RBMS3: variants seen among roughly 807,000 people sequenced by gnomAD.
RBMS3 encodes the protein RNA-binding motif, single-stranded-interacting protein 3.
RBMS3 carries 27 observed loss-of-function variants against 66.8 expected under a neutral mutation model. The observed-to-expected ratio is 0.40, with a 90% CI of 0.30 to 0.56. The LOEUF (loss-of-function observed/expected upper bound fraction) is 0.56, where lower values mean the gene tolerates loss of function less well. Among genes scored for constraint, RBMS3 ranks in the 20% least tolerant of loss-of-function variants. RBMS3 has a pLI of 0.40. For missense variants in RBMS3, 513 were observed against 549.5 expected, an observed-to-expected ratio of 0.93 and a Z score of 0.66; for synonymous variants, 188 against 183.0, an observed-to-expected ratio of 1.03 and a Z score of -0.22.
chr3:29,556,137 G>A (rs1001293144), intron 3 of RBMS3, among the ~76,000 whole-genome samples: 5 of 147,160 alleles, frequency 3.4e-5, no homozygotes, highest in African/African-American at 1.3e-4. Context: ...TAAAAAAAAA[G>A]CTTATATCCA....
At position 29,576,853 on chromosome 3, in the gene RBMS3, A is replaced by T. The variant is rs1283769630; in HGVS notation, c.308-10261A>T. Among the ~76,000 whole-genome samples, 7 of 152,306 alleles carry T rather than the reference A, an allele frequency of 4.6e-5. No individual in the cohort carries two copies. In the South Asian group the frequency reaches 8.3e-4, roughly 18 times the overall value. Reference sequence around the variant, plus strand: ...AGTCAGCTTGTGGTAAATGCTGCCAAGCCTGAGACTCACCCTTCTGAGAAA... The same window carrying T: ...AGTCAGCTTGTGGTAAATGCTGCCATGCCTGAGACTCACCCTTCTGAGAAA... On this transcript the variant is annotated intron_variant, in intron 3 of 14. Transcript: ENST00000383767.
At chr3:29,367,188 T>C (rs2037957479) in intron 1 of RBMS3, among the ~76,000 whole-genome samples, 1 of 152,096 alleles carries the variant, frequency 6.6e-6, no homozygotes, top group African/African-American at 2.4e-5. Flanking sequence ...GAAATGTGAA[T>C]TAAAGAAAAA....
At chr3:29,704,475 G>A (rs533373792) in intron 4 of RBMS3, among the ~76,000 whole-genome samples, 6 of 152,232 alleles carry the variant, frequency 3.9e-5, no homozygotes, top group South Asian at 2.1e-4. Context: ...CAACCTTCCA[G>A]GAGCAAGAGA....
At chr3:29,310,100 G>A (rs757379719) in intron 1 of RBMS3, among the ~76,000 whole-genome samples, 7 of 151,576 alleles carry the variant, frequency 4.6e-5, no homozygotes, top group Non-Finnish European at 1.0e-4. Context: ...TGGGTCGAGG[G>A]GGCAGATATT....
At chr3:29,904,792 ATGAGT>A (rs2060336478) in intron 10 of RBMS3, among the ~76,000 whole-genome samples, 2 of 151,902 alleles carry the variant, frequency 1.3e-5, no homozygotes, top group South Asian at 4.1e-4. Flanking sequence ...TCTGAATCCT[ATGAGT>A]TGAGTTGATT....
chr3:29,699,853 T>C (rs1457530694), intron 4 of RBMS3, among the ~76,000 whole-genome samples: 1 of 152,166 alleles, frequency 6.6e-6, no homozygotes, highest in Non-Finnish European at 1.5e-5. Flanking sequence ...CTCCTTCAGA[T>C]TATGATTCAG....
intron 12 of RBMS3, among the ~76,000 whole-genome samples, chr3:29,969,092 G>A (rs908152266): frequency 1.3e-5 from 2 of 152,112 alleles, no homozygotes; most frequent in South Asian, 2.1e-4. Flanking sequence ...AATTGGATTT[G>A]GATAAACATT....
intron 1 of RBMS3, among the ~76,000 whole-genome samples, chr3:29,357,303 GT>G (rs1279772030): frequency 1.3e-5 from 2 of 152,084 alleles, no homozygotes; most frequent in African/African-American, 4.8e-5. Flanking sequence ...GCGGTGTTTG[GT>G]TTTTTGTCCT....
intron 1 of RBMS3, among the ~76,000 whole-genome samples, chr3:29,398,152 T>G (rs747601369): frequency 1.3e-5 from 2 of 152,202 alleles, no homozygotes; most frequent in Non-Finnish European, 2.9e-5. Context: ...CACAGACTCC[T>G]CATCCATCAA....
chr3:29,643,560 G>A (rs146114396), intron 4 of RBMS3, among the ~76,000 whole-genome samples: 1 of 152,026 alleles, frequency 6.6e-6, no homozygotes, highest in African/African-American at 2.4e-5. Context: ...GTACATTCAC[G>A]GATCCATATG....
chr3:29,466,209 T>C (rs75601814), intron 2 of RBMS3, among the ~76,000 whole-genome samples: 2,761 of 151,948 alleles, frequency 0.018, 43 homozygotes, highest in Middle Eastern at 0.051. Context: ...TTAAAGACTA[T>C]AGATATGTAA....
intron 10 of RBMS3, among the ~76,000 whole-genome samples, chr3:29,929,466 T>G (rs1441607557): frequency 6.6e-6 from 1 of 152,202 alleles, no homozygotes; most frequent in African/African-American, 2.4e-5. Flanking sequence ...TATTAATAGG[T>G]ACTTAACCAA....
chr3:29,822,661 G>A (rs545754141), intron 6 of RBMS3, among the ~76,000 whole-genome samples: 1 of 152,194 alleles, frequency 6.6e-6, no homozygotes, highest in East Asian at 1.9e-4. Flanking sequence ...AAAATTCAGA[G>A]TAGAAAGGTA....
intron 1 of RBMS3, among the ~76,000 whole-genome samples, chr3:29,400,109 T>G (rs1174218917): frequency 6.6e-6 from 1 of 152,090 alleles, no homozygotes; most frequent in Non-Finnish European, 1.5e-5. Flanking sequence ...ATGTCTACTT[T>G]CCAGCCCTTC....
intron 1 of RBMS3, among the ~76,000 whole-genome samples, chr3:29,341,069 T>C (rs1026899042): frequency 2.9e-4 from 44 of 152,218 alleles, no homozygotes; most frequent in African/African-American, 1.0e-3. Flanking sequence ...GCAATAATCC[T>C]TTTTCTTGTT....
chr3:29,427,646 G>A (rs1370862390), intron 1 of RBMS3, among the ~76,000 whole-genome samples: 1 of 152,202 alleles, frequency 6.6e-6, no homozygotes, highest in Non-Finnish European at 1.5e-5. Context: ...TAAAAGAGAT[G>A]GCATGTCAGT....
intron 12 of RBMS3, among the ~76,000 whole-genome samples, chr3:29,969,678 A>G (rs754795007): frequency 1.3e-5 from 2 of 152,170 alleles, no homozygotes; most frequent in Non-Finnish European, 2.9e-5. Context: ...GGCTATTTTC[A>G]TTTATTTCTG....
chr3:29,667,274 G>A (rs2050804792), intron 4 of RBMS3, among the ~76,000 whole-genome samples: 1 of 152,152 alleles, frequency 6.6e-6, no homozygotes, highest in South Asian at 2.1e-4. Flanking sequence ...CATTTTTCTT[G>A]TGTAAAGAAC....
intron 1 of RBMS3, among the ~76,000 whole-genome samples, chr3:29,405,916 G>A (rs570155422): frequency 7.2e-5 from 11 of 152,268 alleles, no homozygotes; most frequent in African/African-American, 2.6e-4. Flanking sequence ...TGGATAGATT[G>A]AAACAGTACT....
Sources: gnomAD v4.1 joint callset for allele counts (sites outside exome capture counted in the v4.1 genomes callset) on GRCh38, gnomAD v4.1.1 for gene constraint, MANE v1.5 for transcripts, NCBI Gene and HGNC (gene_info 2026-07-23, HGNC 2026-07-21) for gene names.